The following DCC variants were observed in gnomAD, a reference collection of about 807,000 sequenced individuals.
The protein encoded by DCC is netrin receptor DCC.
A neutral mutation model predicts 172.5 loss-of-function variants in DCC; 58 were observed. The observed-to-expected ratio is 0.34, with a 90% CI of 0.27 to 0.42. The LOEUF (loss-of-function observed/expected upper bound fraction) is 0.42, where lower values mean the gene tolerates loss of function less well. Among genes scored for constraint, DCC ranks in the 10% least tolerant of loss-of-function variants. DCC has a pLI of 1.00. For missense variants in DCC, 1,740 were observed against 1,791.0 expected (o/e 0.97, Z 0.51); for synonymous variants, 709 against 644.5 (o/e 1.10, Z -1.52).
intron 1 of DCC, among the ~76,000 whole-genome samples, chr18:52,525,927 A>G (rs2031968287): frequency 6.6e-6 from 1 of 152,224 alleles, no homozygotes; most frequent in Non-Finnish European, 1.5e-5. Context: ...TGAAAATAAT[A>G]ATTTCTGCTC....
chr18:53,431,278 C>CT (rs58102356), intron 21 of DCC, among the ~76,000 whole-genome samples: 12,447 of 96,180 alleles, frequency 0.13, 862 homozygotes, highest in African/African-American at 0.24. Flanking sequence ...TTGGCAGAAG[C>CT]TTTTTTTTTT....
intron 2 of DCC, among the ~76,000 whole-genome samples, chr18:52,802,099 T>C (rs938036588): frequency 2.6e-5 from 4 of 151,852 alleles, no homozygotes; most frequent in African/African-American, 9.7e-5. Context: ...AGTTGGCAAA[T>C]AGTACTATAG....
At chr18:53,348,633 T>A (rs2057752460) in intron 15 of DCC, among the ~76,000 whole-genome samples, 1 of 152,134 alleles carries the variant, frequency 6.6e-6, no homozygotes, top group Non-Finnish European at 1.5e-5. Flanking sequence ...GGTTCTCCAC[T>A]GCCAGAAACT....
intron 5 of DCC, among the ~76,000 whole-genome samples, chr18:52,930,510 C>T (rs1337124880): frequency 1.3e-5 from 2 of 152,058 alleles, no homozygotes; most frequent in African/African-American, 2.4e-5. Context: ...GAAAAGTATC[C>T]CAGAAATACT....
chr18:52,442,441 C>A (rs1987998553), intron 1 of DCC, among the ~76,000 whole-genome samples: 1 of 152,122 alleles, frequency 6.6e-6, no homozygotes, highest in African/African-American at 2.4e-5. Context: ...AGATTTTGAG[C>A]TTATAGGTTA....
intron 1 of DCC, among the ~76,000 whole-genome samples, chr18:52,412,221 C>T (rs1986867591): frequency 6.6e-6 from 1 of 152,080 alleles, no homozygotes; most frequent in Non-Finnish European, 1.5e-5. Flanking sequence ...TTTGTAAAGG[C>T]ATGTATACAC....
At chr18:52,814,904 T>G (rs901733042) in intron 2 of DCC, among the ~76,000 whole-genome samples, 3 of 152,004 alleles carry the variant, frequency 2.0e-5, no homozygotes, top group Non-Finnish European at 4.4e-5. Flanking sequence ...TGGAATGAGG[T>G]GGTGATGGCT....
chr18:53,258,406 GT>G (rs1453875602), intron 12 of DCC, among the ~76,000 whole-genome samples: 5 of 152,052 alleles, frequency 3.3e-5, no homozygotes, highest in African/African-American at 1.2e-4. Flanking sequence ...ATTCTGATAT[GT>G]TGTATCTTTG....
intron 15 of DCC, among the ~76,000 whole-genome samples, chr18:53,355,670 G>T (rs7241828): frequency 0.086 from 13,084 of 152,152 alleles, 617 homozygotes; most frequent in Middle Eastern, 0.16. Context: ...GAGATTTGGG[G>T]CTGAGACAAT....
In DCC at chr18:53,459,052, A is replaced by T. The variant is rs368468547; in HGVS notation, c.3393-180A>T. On this transcript the variant is annotated intron_variant, in intron 23 of 28. Transcript: ENST00000442544. ...CACTGCATCCTTTATAATGTGGTGA[A>T]GCTCCAGGGGGGAAGAGGAAAGGCA... Among the ~76,000 whole-genome samples the T allele has an allele frequency of 3.3e-5, 5 of 152,164 alleles. No individual in the cohort carries two copies. In the East Asian group the frequency reaches 5.8e-4, roughly 18 times the overall value.
intron 5 of DCC, among the ~76,000 whole-genome samples, chr18:52,952,760 G>A (rs781271510): frequency 2.2e-4 from 34 of 152,144 alleles, no homozygotes; most frequent in Non-Finnish European, 4.3e-4. Context: ...AGTGCTTTGG[G>A]AGATCGAAGT....
At chr18:52,556,231 C>T (rs1343823002) in intron 1 of DCC, among the ~76,000 whole-genome samples, 2 of 152,036 alleles carry the variant, frequency 1.3e-5, no homozygotes, top group Admixed American at 6.6e-5. Flanking sequence ...GAGACTTGTT[C>T]GTAACTTATG....
At chr18:52,588,578 CT>C (rs2033728532) in intron 1 of DCC, among the ~76,000 whole-genome samples, 1 of 152,142 alleles carries the variant, frequency 6.6e-6, no homozygotes, top group African/African-American at 2.4e-5. Context: ...ATAATTAGTG[CT>C]AATTGCTGGA....
Position 53,339,658 on chromosome 18 carries a change from C to T in DCC, c.2165-55C>T, listed in dbSNP as rs543397451. ...TTCTCTTGCTTAAATGGTGTTCTGC[C>T]GTGCTACATTTTCTGTTATGAGACA... On this transcript the variant is annotated intron_variant, in intron 14 of 28. Transcript: ENST00000442544. 4.7e-4 allele frequency: 635 copies of T among 1,343,686 alleles called. 4 individuals are homozygous for T. The South Asian group carries it at 6.7e-3, about 14-fold the overall frequency. The allele number at this position is 1,343,686 out of a possible 1,614,324, so 83.2% of individuals were successfully genotyped here.
intron 13 of DCC, among the ~76,000 whole-genome samples, chr18:53,308,290 T>G (rs1190151748): frequency 6.6e-6 from 1 of 151,920 alleles, no homozygotes; most frequent in Non-Finnish European, 1.5e-5. Flanking sequence ...AATACCCCAG[T>G]TTTAAGTCAG....
chr18:53,046,685 A>G (rs1304373130), intron 5 of DCC, among the ~76,000 whole-genome samples: 3 of 152,002 alleles, frequency 2.0e-5, no homozygotes, highest in African/African-American at 7.2e-5. Flanking sequence ...TTGAAAACAC[A>G]GATTACAGTT....
chr18:53,146,175 C>G (rs1209953555), intron 7 of DCC, among the ~76,000 whole-genome samples: 5 of 152,022 alleles, frequency 3.3e-5, no homozygotes, highest in African/African-American at 1.2e-4. Flanking sequence ...GAGCCAAGAT[C>G]ATGCCACTGT....
At chr18:53,513,900 T>C (rs1429700316) in intron 27 of DCC, among the ~76,000 whole-genome samples, 2 of 151,058 alleles carry the variant, frequency 1.3e-5, no homozygotes, top group Admixed American at 6.6e-5. Flanking sequence ...ATTAGACAGA[T>C]CAACAAGACA....
intron 22 of DCC, among the ~76,000 whole-genome samples, chr18:53,436,967 T>A (rs1053504676): frequency 6.6e-6 from 1 of 152,162 alleles, no homozygotes; most frequent in Non-Finnish European, 1.5e-5. Context: ...AGGCTTTTTC[T>A]AAAATAAGGG....
Sources: gnomAD v4.1 joint callset for allele counts (sites outside exome capture counted in the v4.1 genomes callset) on GRCh38, gnomAD v4.1.1 for gene constraint, MANE v1.5 for transcripts, NCBI Gene and HGNC (gene_info 2026-07-23, HGNC 2026-07-21) for gene names.